PCDHA5: variants seen among roughly 807,000 people sequenced by gnomAD.
PCDHA5 encodes protocadherin alpha 5, also known as protocadherin alpha-5.
PCDHA5 carries 43 observed loss-of-function variants against 61.6 expected under a neutral mutation model. That is an observed-to-expected ratio of 0.70 (90% CI 0.55 to 0.90). The LOEUF is 0.90. Ranked by LOEUF, PCDHA5 falls within the 40% of genes least tolerant of loss-of-function variation. The probability of loss-of-function intolerance (pLI) is 0.00; values close to 1 mark genes in which losing one functional copy is unlikely to be tolerated. For missense variants in PCDHA5, 1,298 were observed against 1,222.7 expected, an observed-to-expected ratio of 1.06 and a Z score of -0.92; for synonymous variants, 627 against 543.9, an observed-to-expected ratio of 1.15 and a Z score of -2.13.
At chr5:140,836,611 G>T (rs1554136131) in intron 1 of PCDHA5, 2 of 1,613,590 alleles carry the variant, frequency 1.2e-6, no homozygotes, top group East Asian at 4.5e-5. Context: ...GTGTGCTCCA[G>T]CGCGGTGGGG....
At position 140,951,558 on chromosome 5, in the gene PCDHA5, C is replaced by T. The variant is rs79908970; in HGVS notation, c.2353-27391C>T. On this transcript the variant is annotated intron_variant, in intron 1 of 3. Coordinates refer to ENST00000529859, the MANE Select transcript of PCDHA5 (RefSeq NM_018908.3). The stretch of plus-strand genomic sequence containing the variant: ...GAGCAAGGGACGGGGGGAAGTGCTA[C>T]GCACTTTTAAACAACCAGATTTCAC... Among the ~76,000 whole-genome samples the T allele has an allele frequency of 3.7e-4, 56 of 152,112 alleles. No individual in the cohort carries two copies. In the East Asian group the frequency reaches 9.5e-3, roughly 26 times the overall value.
chr5:140,960,628 T>C (rs1474502656), intron 1 of PCDHA5, among the ~76,000 whole-genome samples: 1 of 152,192 alleles, frequency 6.6e-6, no homozygotes, highest in Non-Finnish European at 1.5e-5. Context: ...TTTTGAAATA[T>C]ATTTTTAAAA....
In PCDHA5 at chr5:140,893,987, T is replaced by C. The variant is rs112405686; in HGVS notation, c.2352+69860T>C. Among the ~76,000 whole-genome samples, 507 of 152,320 alleles carry C rather than the reference T, an allele frequency of 3.3e-3. 2 individuals carry two copies. The highest frequency in any genetic ancestry group is 0.012 in the African/African-American group (487 of 41,562). ...TAGATACTTTTATAATTTTAAAATA[T>C]CTCCAATTGTATGGTTGGTTCAAAT... is the stretch of plus-strand genomic sequence containing the variant. On this transcript the variant is annotated intron_variant, in intron 1 of 3. Transcript: ENST00000529859.
intron 1 of PCDHA5, among the ~76,000 whole-genome samples, chr5:140,918,314 A>G (rs2078635890): frequency 1.3e-5 from 2 of 152,138 alleles, no homozygotes; most frequent in Admixed American, 1.3e-4. Context: ...TTTTCTAGGT[A>G]TAAAATTATA....
At chr5:140,942,754 A>C (rs1157116096) in intron 1 of PCDHA5, among the ~76,000 whole-genome samples, 1 of 152,212 alleles carries the variant, frequency 6.6e-6, no homozygotes, top group African/African-American at 2.4e-5. Context: ...TGTATAAATG[A>C]GATGGCATAA....
chr5:140,911,953 G>T (rs1554195050), intron 1 of PCDHA5, among the ~76,000 whole-genome samples: 1 of 152,094 alleles, frequency 6.6e-6, no homozygotes, highest in Non-Finnish European at 1.5e-5. Context: ...TAAAGGGGAG[G>T]TTACTAAGGA....
At chr5:140,913,181 T>C (rs2076246657) in intron 1 of PCDHA5, among the ~76,000 whole-genome samples, 1 of 152,208 alleles carries the variant, frequency 6.6e-6, no homozygotes, top group Admixed American at 6.5e-5. Flanking sequence ...TCTTTAAATG[T>C]TTGGTAGAAT....
chr5:140,908,834 G>A (rs915665508), intron 1 of PCDHA5, among the ~76,000 whole-genome samples: 64 of 152,226 alleles, frequency 4.2e-4, no homozygotes, highest in African/African-American at 1.4e-3. Flanking sequence ...CGATAAATGG[G>A]CTGGAGTAAC....
chr5:140,870,155 T>C (rs1554163855), intron 1 of PCDHA5: 4 of 1,614,014 alleles, frequency 2.5e-6, no homozygotes, highest in Non-Finnish European at 3.4e-6. Flanking sequence ...GAAGTCGCCG[T>C]GACTTCCTTG....
Position 140,913,941 on chromosome 5 carries a change from C to T in PCDHA5, c.2353-65008C>T, listed in dbSNP as rs950871389. ...TACTTCATTGTGGTCAGAGAAGAAT[C>T]TTGATATGATATCATTTTTAAAAAA... On this transcript the variant is annotated intron_variant, in intron 1 of 3. Transcript: ENST00000529859. Among the ~76,000 whole-genome samples, 3 of 152,102 alleles carry T rather than the reference C, an allele frequency of 2.0e-5. No homozygotes were observed. In the East Asian group the frequency reaches 5.8e-4, roughly 29 times the overall value.
At chr5:140,854,018 C>T (rs1041101905) in intron 1 of PCDHA5, 6 of 346,140 alleles carry the variant, frequency 1.7e-5, no homozygotes, top group East Asian at 1.7e-4. Context: ...AAAAATTAGC[C>T]GGGCATGGTG....
intron 1 of PCDHA5, among the ~76,000 whole-genome samples, chr5:140,933,667 C>A (rs2089323484): frequency 6.6e-6 from 1 of 151,936 alleles, no homozygotes. Flanking sequence ...CTCTCTCTGT[C>A]TCTCTCACAT....
chr5:140,975,099 A>G (rs540357854), intron 1 of PCDHA5, among the ~76,000 whole-genome samples: 1 of 152,152 alleles, frequency 6.6e-6, no homozygotes, highest in Non-Finnish European at 1.5e-5. Flanking sequence ...TTGTTTGGGG[A>G]CTGAGATCTC....
intron 1 of PCDHA5, chr5:140,929,026 G>A: frequency 1.2e-6 from 2 of 1,614,176 alleles, no homozygotes; most frequent in Non-Finnish European, 1.7e-6. Context: ...CCAGAGCCCA[G>A]GCTGTTGCGC....
At chr5:140,980,704 G>T (rs2153822525) in intron 2 of PCDHA5, among the ~76,000 whole-genome samples, 1 of 151,890 alleles carries the variant, frequency 6.6e-6, no homozygotes, top group East Asian at 1.9e-4. Context: ...AGCCAAATGT[G>T]CTCCTATTCG....
chr5:140,970,059 G>C (rs2096380498), intron 1 of PCDHA5, among the ~76,000 whole-genome samples: 1 of 152,150 alleles, frequency 6.6e-6, no homozygotes. Context: ...GTCCAGGGAG[G>C]TATTAGAATG....
intron 1 of PCDHA5, among the ~76,000 whole-genome samples, chr5:140,948,132 C>G (rs1397250622): frequency 1.3e-5 from 2 of 151,526 alleles, no homozygotes; most frequent in African/African-American, 4.8e-5. Context: ...TTGGATTACA[C>G]TAATTGATTT....
intron 1 of PCDHA5, among the ~76,000 whole-genome samples, chr5:140,832,323 T>G (rs1483891932): frequency 6.6e-6 from 1 of 152,208 alleles, no homozygotes; most frequent in Non-Finnish European, 1.5e-5. Context: ...TTAAGGGCCA[T>G]TAGAGGACTG....
At chr5:140,980,350 G>T (rs1382723470) in intron 2 of PCDHA5, among the ~76,000 whole-genome samples, 1 of 152,128 alleles carries the variant, frequency 6.6e-6, no homozygotes, top group Admixed American at 6.5e-5. Context: ...TAACTTCCTG[G>T]ACTGGGCGCG....
Sources: allele counts gnomAD v4.1 joint callset (sites outside exome capture counted in the v4.1 genomes callset), GRCh38; gene constraint gnomAD v4.1.1; transcripts MANE v1.5; gene names NCBI Gene and HGNC (gene_info 2026-07-23, HGNC 2026-07-21).